SPTBN4: variants seen among roughly 807,000 people sequenced by gnomAD.
The protein encoded by SPTBN4 is spectrin beta chain, non-erythrocytic 4.
In SPTBN4, 96 loss-of-function variants were observed where a neutral mutation model predicts 277.8. The ratio of observed to expected loss-of-function variants is 0.35; its 90% confidence interval spans 0.29 to 0.41. The LOEUF (loss-of-function observed/expected upper bound fraction) is 0.41, where lower values mean the gene tolerates loss of function less well. Ranked by LOEUF, SPTBN4 falls within the 10% of genes least tolerant of loss-of-function variation. The pLI, the probability that SPTBN4 is intolerant of heterozygous loss-of-function variation, is 1.00. For missense variants in SPTBN4, 3,006 were observed against 3,595.7 expected (o/e 0.84, Z 4.19); for synonymous variants, 1,481 against 1,580.3 (o/e 0.94, Z 1.49).
intron 13 of SPTBN4, among the ~76,000 whole-genome samples, chr19:40,509,977 T>C (rs1169590905): frequency 6.6e-6 from 1 of 152,140 alleles, no homozygotes; most frequent in Non-Finnish European, 1.5e-5. Flanking sequence ...GAAGCTCCCT[T>C]TGCCCTCGCC....
intron 27 of SPTBN4, among the ~76,000 whole-genome samples, chr19:40,563,673 C>T (rs549826001): frequency 1.7e-4 from 25 of 144,190 alleles, no homozygotes; most frequent in African/African-American, 5.9e-4. Context: ...GAGATCGCAC[C>T]ACTGCAGTCC....
At chr19:40,561,075 A>C (rs1418472379) in intron 27 of SPTBN4, among the ~76,000 whole-genome samples, 1 of 152,064 alleles carries the variant, frequency 6.6e-6, no homozygotes, top group Non-Finnish European at 1.5e-5. Context: ...GTGCAGTGGC[A>C]CAATATCACC....
At chr19:40,567,612 C>T (rs745517486) in intron 30 of SPTBN4, 51 bp from the exon 31 acceptor site, 1 of 680,654 alleles carries the variant, frequency 1.5e-6, no homozygotes, top group Non-Finnish European at 2.2e-6. Context: ...CTCCCCCTTA[C>T]CCCGCCCCGG....
intron 35 of SPTBN4, among the ~76,000 whole-genome samples, chr19:40,574,724 T>G (rs2081185039): frequency 6.6e-6 from 1 of 152,080 alleles, no homozygotes; most frequent in Non-Finnish European, 1.5e-5. Context: ...AGATTAAAAA[T>G]AGTTTCTTGG....
intron 17 of SPTBN4, among the ~76,000 whole-genome samples, chr19:40,526,029 A>G (rs1249367112): frequency 1.3e-5 from 2 of 152,200 alleles, no homozygotes; most frequent in Admixed American, 6.5e-5. Flanking sequence ...AGAGCCATAC[A>G]GAGCTGGGGA....
Position 40,519,343 on chromosome 19 carries a change from C to G in SPTBN4, c.2904-58C>G. 1 of 1,412,730 alleles carries G rather than the reference C, an allele frequency of 7.1e-7. No individual in the cohort carries two copies. The highest frequency in any genetic ancestry group is 1.5e-5 in the African/African-American group (1 of 67,482). 87.5% of individuals were successfully genotyped at this position (1,412,730 alleles called of 1,614,324 possible). Reference sequence around the variant, plus strand: ...TGGATTCTACCCTGGGTCGGCGGGCCCTCCGCGCCCAAGAGGAGTCCCTGT... The same window carrying G: ...TGGATTCTACCCTGGGTCGGCGGGCGCTCCGCGCCCAAGAGGAGTCCCTGT... On this transcript the variant is annotated intron_variant, in intron 15 of 35. Transcript: ENST00000598249. This position sits in a 1 kb window ranked among gnomAD's most constrained non-coding sequence, Gnocchi z 5.7.
intron 15 of SPTBN4, among the ~76,000 whole-genome samples, chr19:40,516,809 G>A (rs2080466053): frequency 6.6e-6 from 1 of 152,094 alleles, no homozygotes; most frequent in South Asian, 2.1e-4. Context: ...AGGTGACAGA[G>A]CAAGAATCTA....
Position 40,528,915 on chromosome 19 carries a change from C to T in SPTBN4, c.3858-126C>T. The T allele has an allele frequency of 1.0e-5, 7 of 669,162 alleles. No individual in the cohort carries two copies. The South Asian group carries it at 1.2e-4, about 11-fold the overall frequency. 41.5% of individuals were successfully genotyped at this position (669,162 alleles called of 1,614,324 possible). ...CCCTGGCTTTGCCCCACTAATTCCT[C>T]CCTCTCTCTTACATATTTTCCACGC... is the stretch of plus-strand genomic sequence containing the variant. On this transcript the variant is annotated intron_variant, in intron 17 of 35. Coordinates refer to ENST00000598249, the MANE Select transcript of SPTBN4 (RefSeq NM_020971.3).
chr19:40,485,978 TAAA>T (rs35587768), intron 2 of SPTBN4, among the ~76,000 whole-genome samples: 1 of 129,348 alleles, frequency 7.7e-6, no homozygotes. Context: ...AGGATGGCCA[TAAA>T]AAAAAAAAAA....
intron 26 of SPTBN4, among the ~76,000 whole-genome samples, chr19:40,559,451 G>C (rs550065948): frequency 4.6e-4 from 70 of 152,210 alleles, no homozygotes; most frequent in Non-Finnish European, 7.9e-4. Context: ...AGTTCAAGAT[G>C]AGCCTGGGCA....
At chr19:40,488,677 G>A (rs2041497309) in intron 3 of SPTBN4, among the ~76,000 whole-genome samples, 1 of 152,120 alleles carries the variant, frequency 6.6e-6, no homozygotes, top group South Asian at 2.1e-4. Flanking sequence ...AGGCGTGGTG[G>A]CGCAGGCCTG....
rs1470461250 is a variant in SPTBN4, at chr19:40,487,858, C to T, written c.321+10C>T. 5.0e-6 allele frequency: 8 copies of T among 1,591,332 alleles called. No individual in the cohort carries two copies. Among genetic ancestry groups the T allele is most frequent in the Non-Finnish European group, 6.8e-6 (8 of 1,169,982 alleles). On this transcript the variant is annotated intron_variant, in intron 3 of 35. Coordinates refer to ENST00000598249, the MANE Select transcript of SPTBN4 (RefSeq NM_020971.3). ...GTCTGGGGAGCAGCTGGTGAGGGGG[C>T]CTGAAGGGCTGGGGCAGGGGTCCTC...
chr19:40,570,375 A>G, intron 32 of SPTBN4, 61 bp from the exon 33 acceptor site: 1 of 1,255,288 alleles, frequency 8.0e-7, no homozygotes, highest in Non-Finnish European at 1.1e-6. Context: ...GACTCCCCCA[A>G]ACAGATGACC....
chr19:40,522,867 C>T (rs1365313841), intron 16 of SPTBN4, among the ~76,000 whole-genome samples: 1 of 151,874 alleles, frequency 6.6e-6, no homozygotes, highest in Non-Finnish European at 1.5e-5. Flanking sequence ...TGTGGTGGCT[C>T]ACGCCTGTAA....
intron 1 of SPTBN4, among the ~76,000 whole-genome samples, chr19:40,469,101 A>G (rs77050087): frequency 3.0e-5 from 3 of 100,574 alleles, no homozygotes; most frequent in South Asian, 6.0e-4. Flanking sequence ...CTTGTCTCAG[A>G]AAAAAAAAAA....
At chr19:40,504,626 G>A (rs1001293935) in intron 12 of SPTBN4, among the ~76,000 whole-genome samples, 10 of 151,110 alleles carry the variant, frequency 6.6e-5, no homozygotes, top group Non-Finnish European at 1.5e-4. Flanking sequence ...CCGAGATCCC[G>A]CCACTGCACT....
At chr19:40,494,798 T>C in intron 5 of SPTBN4, 99 bp from the exon 6 acceptor site, 1 of 1,039,486 alleles carries the variant, frequency 9.6e-7, no homozygotes, top group Non-Finnish European at 1.4e-6. Flanking sequence ...CTCTCTCTCA[T>C]CTTCCTTCCC....
At chr19:40,473,545 C>G (rs1051014371) in intron 2 of SPTBN4, among the ~76,000 whole-genome samples, 6 of 151,564 alleles carry the variant, frequency 4.0e-5, no homozygotes, top group Non-Finnish European at 8.8e-5. Context: ...TTACTAGAGA[C>G]GGGGTTTCTC....
At chr19:40,491,733 A>AAAAAAAAAAAAAAAC (rs2080139054) in intron 4 of SPTBN4, among the ~76,000 whole-genome samples, 1 of 149,544 alleles carries the variant, frequency 6.7e-6, no homozygotes, top group African/African-American at 2.5e-5. Flanking sequence ...AAAAAAAAAA[A>AAAAAAAAAAAAAAAC]AAAAAGTGAC....
Sources: allele counts gnomAD v4.1 joint callset (sites outside exome capture counted in the v4.1 genomes callset), GRCh38; gene constraint gnomAD v4.1.1; non-coding constraint Gnocchi (gnomAD v3.1); transcripts MANE v1.5; gene names NCBI Gene and HGNC (gene_info 2026-07-23, HGNC 2026-07-21).